The following VPS13B variants were observed in gnomAD, a reference collection of about 807,000 sequenced individuals.
VPS13B encodes the protein vacuolar protein sorting 13 homolog B.
VPS13B carries 285 observed loss-of-function variants against 426.4 expected under a neutral mutation model. The observed-to-expected ratio is 0.67, with a 90% confidence interval of 0.61 to 0.74. VPS13B has a LOEUF of 0.74. Ranked by LOEUF, VPS13B falls within the 30% of genes least tolerant of loss-of-function variation. The pLI, the probability that VPS13B is intolerant of heterozygous loss-of-function variation, is 0.00. For synonymous variants in VPS13B, 1,676 were observed against 1,676.4 expected (o/e 1.00, Z 0.01); for missense variants, 4,537 against 4,782.6 (o/e 0.95, Z 1.51).
intron 35 of VPS13B, among the ~76,000 whole-genome samples, chr8:99,690,673 G>A (rs1831617283): frequency 6.6e-6 from 1 of 151,482 alleles, no homozygotes; most frequent in Non-Finnish European, 1.5e-5. Flanking sequence ...ATAATAAAAG[G>A]ACAAATAACC....
chr8:99,409,646 G>T (rs1361418291), intron 21 of VPS13B, among the ~76,000 whole-genome samples: 2 of 152,022 alleles, frequency 1.3e-5, no homozygotes, highest in Non-Finnish European at 2.9e-5. Flanking sequence ...AATAACCAAG[G>T]ATCATAACTT....
At position 99,467,523 on chromosome 8, in the gene VPS13B, A is replaced by G. The variant is rs764784346; in HGVS notation, c.3555A>G (p.Leu1185=). 1 of 1,613,782 alleles carries G rather than the reference A, an allele frequency of 6.2e-7. No homozygotes were observed. The highest frequency in any genetic ancestry group is 2.2e-5 in the East Asian group (1 of 44,866). Reference sequence around the variant, plus strand: ...AACCTATGGGTTGCACCTCCACTCTAGCTGTCACGTCTCAAAAACTGCTTG... The same window carrying G: ...AACCTATGGGTTGCACCTCCACTCTGGCTGTCACGTCTCAAAAACTGCTTG... ...LVEPMGCTST[L]AVTSQKLLAT... is the part of the protein sequence containing the mutation. Residue 1185 remains leucine, a synonymous_variant, in exon 24 of 62, where the codon CTA becomes CTG. Transcript: ENST00000357162.
intron 43 of VPS13B, among the ~76,000 whole-genome samples, chr8:99,806,136 A>G (rs138468339): frequency 1.3e-5 from 2 of 152,318 alleles, no homozygotes; most frequent in African/African-American, 4.8e-5. Flanking sequence ...TATAGGGAAG[A>G]TATCAGTGAC....
At chr8:99,854,766 G>C (rs1420053553) in intron 56 of VPS13B, among the ~76,000 whole-genome samples, 1 of 152,198 alleles carries the variant, frequency 6.6e-6, no homozygotes, top group South Asian at 2.1e-4. Flanking sequence ...CGGTAGGTGA[G>C]AAATTCAGAG....
intron 33 of VPS13B, among the ~76,000 whole-genome samples, chr8:99,633,126 G>A (rs1828915999): frequency 6.6e-6 from 1 of 151,880 alleles, no homozygotes; most frequent in African/African-American, 2.4e-5. Flanking sequence ...TCTTTTTCTT[G>A]CTTCATTTCC....
chr8:99,229,009 T>G (rs781468978), intron 17 of VPS13B, among the ~76,000 whole-genome samples: 5 of 152,166 alleles, frequency 3.3e-5, no homozygotes, highest in Admixed American at 6.5e-5. Flanking sequence ...TGTGCGCTGT[T>G]AAAAATGGCA....
chr8:99,410,579 T>TATA (rs1815588995), intron 21 of VPS13B, among the ~76,000 whole-genome samples: 4 of 151,662 alleles, frequency 2.6e-5, no homozygotes, highest in African/African-American at 9.7e-5. Flanking sequence ...TATTTATTAT[T>TATA]ATAATTTAAG....
At chr8:99,602,157 C>T (rs773346565) in intron 33 of VPS13B, among the ~76,000 whole-genome samples, 1 of 152,024 alleles carries the variant, frequency 6.6e-6, no homozygotes, top group Non-Finnish European at 1.5e-5. Flanking sequence ...CTTTAATCCA[C>T]CTTGAGTTAA....
At chr8:99,253,455 G>A (rs552263043) in intron 17 of VPS13B, among the ~76,000 whole-genome samples, 1 of 152,172 alleles carries the variant, frequency 6.6e-6, no homozygotes, top group South Asian at 2.1e-4. Flanking sequence ...CAATGTATGA[G>A]GGTTTCAATA....
At chr8:99,828,392 CCGTTTTTTTTTTTTTTTT>C (rs1423846756) in intron 51 of VPS13B, among the ~76,000 whole-genome samples, 13 of 47,652 alleles carry the variant, frequency 2.7e-4, no homozygotes, top group East Asian at 7.3e-4. Flanking sequence ...ATTACAACCA[CCGTTTTTTTTTTTTTTTT>C]TTTTTTTTTT....
Position 99,351,429 on chromosome 8 carries a change from A to AGTGTGT in VPS13B, c.2825-32778_2825-32777insTGTGTG, listed in dbSNP as rs751746920. ...TTTTCTCCTTCCTCAAGAGAGAGAG[A>AGTGTGT]GAGAGAGTGTGTGTGTGTGTGTGTG... On this transcript the variant is annotated intron_variant, in intron 19 of 61. Transcript: ENST00000357162. 1.2e-3 allele frequency among the ~76,000 whole-genome samples: 174 copies of AGTGTGT among 145,484 alleles called. 1 individual carries two copies. Among genetic ancestry groups the AGTGTGT allele is most frequent in the Admixed American group, 8.7e-3 (130 of 14,864 alleles).
At chr8:99,430,224 G>GT (rs1817015484) in intron 21 of VPS13B, among the ~76,000 whole-genome samples, 1 of 152,040 alleles carries the variant, frequency 6.6e-6, no homozygotes, top group Non-Finnish European at 1.5e-5. Flanking sequence ...TTTAAATATG[G>GT]TATCAATGCT....
At chr8:99,159,622 A>T (rs1052366353) in intron 15 of VPS13B, among the ~76,000 whole-genome samples, 11 of 152,204 alleles carry the variant, frequency 7.2e-5, no homozygotes, top group African/African-American at 2.7e-4. Flanking sequence ...TTACTTGCTG[A>T]AGGTTGAGAT....
Position 99,474,857 on chromosome 8 carries a change from A to G in VPS13B, c.3667-6742A>G, listed in dbSNP as rs191185227. Among the ~76,000 whole-genome samples the G allele has an allele frequency of 4.0e-4, 61 of 152,318 alleles. 1 individual carries two copies. In the East Asian group the frequency reaches 0.011, roughly 27 times the overall value. ...TCTCCCTATGTATTTCCTCTGAGAAACAAAAATATATATCCACAAAAGGTC... is the reference window on the plus strand; with the variant it reads ...TCTCCCTATGTATTTCCTCTGAGAAGCAAAAATATATATCCACAAAAGGTC... On this transcript the variant is annotated intron_variant, in intron 24 of 61. Transcript: ENST00000357162.
chr8:99,125,922 TAA>T (rs763480150), intron 8 of VPS13B, among the ~76,000 whole-genome samples: 1 of 151,962 alleles, frequency 6.6e-6, no homozygotes, highest in Non-Finnish European at 1.5e-5. Flanking sequence ...GTTGTGGAGC[TAA>T]AGACTTTTTT....
At chr8:99,203,148 A>G (rs1278936892) in intron 17 of VPS13B, among the ~76,000 whole-genome samples, 5 of 152,186 alleles carry the variant, frequency 3.3e-5, no homozygotes, top group African/African-American at 1.2e-4. Flanking sequence ...GCAGCACATC[A>G]AAAAGCTTAT....
intron 21 of VPS13B, among the ~76,000 whole-genome samples, chr8:99,420,997 C>T (rs902483829): frequency 6.6e-5 from 10 of 152,158 alleles, no homozygotes; most frequent in South Asian, 2.1e-4. Flanking sequence ...AAACTGTTTT[C>T]GTATACATTA....
chr8:99,665,023 G>T (rs924086294), intron 35 of VPS13B, among the ~76,000 whole-genome samples: 1 of 152,180 alleles, frequency 6.6e-6, no homozygotes, highest in African/African-American at 2.4e-5. Context: ...ACTGGTGTGG[G>T]ATGGTATCTC....
intron 43 of VPS13B, among the ~76,000 whole-genome samples, chr8:99,789,454 TTACACAC>T (rs1270785047): frequency 1.3e-5 from 2 of 152,116 alleles, no homozygotes; most frequent in African/African-American, 4.8e-5. Flanking sequence ...ATAGACACTA[TTACACAC>T]TGGAGTTGCT....
Sources: gnomAD v4.1 joint callset for allele counts (sites outside exome capture counted in the v4.1 genomes callset) on GRCh38, gnomAD v4.1.1 for gene constraint, MANE v1.5 for transcripts, NCBI Gene and HGNC (gene_info 2026-07-23, HGNC 2026-07-21) for gene names.